TRIM66: variants seen among roughly 807,000 people sequenced by gnomAD.
TRIM66 encodes tripartite motif-containing protein 66.
In TRIM66, 99 loss-of-function variants were observed where a neutral mutation model predicts 148.2. The ratio of observed to expected loss-of-function variants is 0.67; its 90% CI spans 0.57 to 0.79. The LOEUF (loss-of-function observed/expected upper bound fraction) is 0.79, where lower values mean the gene tolerates loss of function less well. TRIM66 is among the 30% of genes least tolerant of loss of function. TRIM66 has a pLI of 0.00. For synonymous variants in TRIM66, 616 were observed against 635.9 expected (o/e 0.97, Z 0.47); for missense variants, 1,666 against 1,697.9 (o/e 0.98, Z 0.33).
chr11:8,626,673 T>A (rs1016060894), intron 15 of TRIM66, among the ~76,000 whole-genome samples: 13 of 152,222 alleles, frequency 8.5e-5, no homozygotes, highest in African/African-American at 3.1e-4. Context: ...AATGGAGAAG[T>A]ATTTTCAAAA....
intron 1 of TRIM66, among the ~76,000 whole-genome samples, chr11:8,681,795 A>G (rs545577226): frequency 3.5e-4 from 53 of 152,280 alleles, no homozygotes; most frequent in Non-Finnish European, 6.6e-4. Flanking sequence ...AATAAATTAC[A>G]TAAGGGTTAT....
intron 6 of TRIM66, among the ~76,000 whole-genome samples, chr11:8,660,798 G>A (rs2038196150): frequency 6.6e-6 from 1 of 152,198 alleles, no homozygotes; most frequent in Non-Finnish European, 1.5e-5. Context: ...GGACCTTCAA[G>A]TTTGTGTAGG....
At chr11:8,655,567 G>A (rs1344808738) in intron 6 of TRIM66, among the ~76,000 whole-genome samples, 2 of 152,098 alleles carry the variant, frequency 1.3e-5, no homozygotes, top group Non-Finnish European at 2.9e-5. Flanking sequence ...AGGATCACCT[G>A]AGGTCAGGAG....
chr11:8,676,291 C>G (rs115132692), intron 3 of TRIM66, among the ~76,000 whole-genome samples: 2 of 151,418 alleles, frequency 1.3e-5, no homozygotes, highest in African/African-American at 4.9e-5. Flanking sequence ...GGTTTTGTTC[C>G]AGTTTGGTGC....
At chr11:8,660,812 T>C (rs2038197420) in intron 6 of TRIM66, among the ~76,000 whole-genome samples, 1 of 152,198 alleles carries the variant, frequency 6.6e-6, no homozygotes, top group Admixed American at 6.5e-5. Flanking sequence ...GTGTAGGATG[T>C]TTCAAGCAAG....
chr11:8,682,851 CG>C, upstream of TRIM66: 1 of 1,604,704 alleles, frequency 6.2e-7, no homozygotes, highest in South Asian at 1.1e-5. Flanking sequence ...TCTTCCTTGC[CG>C]GCGGAGACCC....
At chr11:8,681,620 T>C (rs1033373595) in intron 1 of TRIM66, among the ~76,000 whole-genome samples, 5 of 151,080 alleles carry the variant, frequency 3.3e-5, no homozygotes, top group Admixed American at 6.6e-5. Context: ...GAACACTGGT[T>C]GAAGGAACCG....
At chr11:8,671,039 A>T (rs1372848961) in intron 6 of TRIM66, among the ~76,000 whole-genome samples, 1 of 152,238 alleles carries the variant, frequency 6.6e-6, no homozygotes, top group Non-Finnish European at 1.5e-5. Context: ...CTGTAATCCC[A>T]GCACTTTGAA....
At chr11:8,626,157 T>G (rs2034825846) in intron 15 of TRIM66, among the ~76,000 whole-genome samples, 1 of 152,146 alleles carries the variant, frequency 6.6e-6, no homozygotes. Context: ...AGAGACAGAT[T>G]TAGGGAAAAG....
intron 11 of TRIM66, 95 bp downstream of exon 11, chr11:8,646,352 C>G: frequency 9.8e-7 from 1 of 1,016,012 alleles, no homozygotes; most frequent in Non-Finnish European, 1.5e-6. Flanking sequence ...AGCTGCATAT[C>G]TGAATTACAG....
chr11:8,626,839 T>C (rs895399037), intron 15 of TRIM66, among the ~76,000 whole-genome samples: 1 of 152,164 alleles, frequency 6.6e-6, no homozygotes, highest in Non-Finnish European at 1.5e-5. Context: ...AACCCTCTCC[T>C]CATTCACTGA....
intron 15 of TRIM66, among the ~76,000 whole-genome samples, chr11:8,635,625 A>C (rs2035810583): frequency 1.3e-5 from 2 of 152,230 alleles, no homozygotes; most frequent in Non-Finnish European, 2.9e-5. Context: ...TCAAGCCATC[A>C]AAAGCCTATG....
chr11:8,637,955 G>A (rs987300265), intron 15 of TRIM66, among the ~76,000 whole-genome samples: 3 of 152,200 alleles, frequency 2.0e-5, no homozygotes, highest in African/African-American at 7.2e-5. Context: ...GATTTGTGGG[G>A]TTCTGGGTTA....
intron 6 of TRIM66, among the ~76,000 whole-genome samples, chr11:8,667,449 A>G (rs1168879426): frequency 6.6e-6 from 1 of 152,256 alleles, no homozygotes; most frequent in Non-Finnish European, 1.5e-5. Flanking sequence ...TTTGCAAATC[A>G]TATATCTAAT....
chr11:8,644,070 C>T (rs534839635), intron 12 of TRIM66, among the ~76,000 whole-genome samples: 1 of 152,316 alleles, frequency 6.6e-6, no homozygotes, highest in East Asian at 1.9e-4. Context: ...GACCTTTAAA[C>T]TCCAACAACC....
intron 6 of TRIM66, among the ~76,000 whole-genome samples, chr11:8,658,228 T>C (rs968923070): frequency 6.6e-6 from 1 of 152,182 alleles, no homozygotes; most frequent in Admixed American, 6.5e-5. Flanking sequence ...GCAGCAATTT[T>C]CCCAAACTGA....
At chr11:8,676,213 G>A (rs1303659897) in intron 3 of TRIM66, among the ~76,000 whole-genome samples, 3 of 151,784 alleles carry the variant, frequency 2.0e-5, no homozygotes, top group Admixed American at 6.6e-5. Context: ...CATCATGGAT[G>A]GACATTCTTA....
intron 15 of TRIM66, among the ~76,000 whole-genome samples, chr11:8,637,195 CTG>C (rs1297659512): frequency 1.3e-5 from 2 of 152,198 alleles, no homozygotes; most frequent in African/African-American, 4.8e-5. Flanking sequence ...TGTTGATTAA[CTG>C]TCTCTTCCAC....
chr11:8,621,754 G>A lies in TRIM66; in HGVS notation c.3146C>T (p.Ser1049Phe). 1 of 1,551,544 alleles carries A rather than the reference G, an allele frequency of 6.4e-7. No individual in the cohort carries two copies. The highest frequency in any genetic ancestry group is 8.7e-7 in the Non-Finnish European group (1 of 1,146,960). Residue 1049 changes from serine (S) to phenylalanine (F), a missense_variant, in exon 19 of 25, where the codon TCC (serine) becomes TTC (phenylalanine). Physicochemically the swap from Ser to Phe is radical, Grantham distance 155. Around this residue, in one of 3 missense-constraint regions of TRIM66, gnomAD observed 1,431 missense variants for 1,412.4 expected, o/e 1.01. Transcript: ENST00000646038. ...TTTGAACACAGGCATCTCTCCTGAG[G>A]AGGCAGCACAGATCTTGAGTCGCTC... ...RLERLKICAA[S>F]SGEMPVFKLK...
Sources: allele counts gnomAD v4.1 joint callset (sites outside exome capture counted in the v4.1 genomes callset), GRCh38; gene constraint gnomAD v4.1.1; regional missense constraint gnomAD v4.1.1; transcripts MANE v1.5; gene names NCBI Gene and HGNC (gene_info 2026-07-23, HGNC 2026-07-21).